Variants in DRC11 observed in about 807,000 individuals in gnomAD.
DRC11 encodes the protein dynein regulatory complex subunit 11, also known as IQ and AAA domain-containing protein 1.
the DRC11 span, chr2:236,486,893 C>T: frequency 1.0e-5 from 16 of 1,605,902 alleles, no homozygotes; most frequent in Admixed American, 3.4e-5. This position sits in a 1 kb window ranked among gnomAD's most constrained non-coding sequence, Gnocchi z 5.7. Flanking sequence ...ATGGAAACGT[C>T]GCCAAACCTA....
the DRC11 span, among the ~76,000 whole-genome samples, chr2:236,357,587 A>C: frequency 1.6e-5 from 2 of 126,720 alleles, no homozygotes; most frequent in African/African-American, 3.2e-5. Flanking sequence ...TATATTATAA[A>C]TATGCATTTA....
the DRC11 span, chr2:236,497,382 A>G: frequency 6.2e-7 from 1 of 1,613,908 alleles, no homozygotes; most frequent in South Asian, 1.1e-5. This position sits in a 1 kb window ranked among gnomAD's most constrained non-coding sequence, Gnocchi z 5.1. Context: ...CTAATGTTTG[A>G]AAGATGAAAA....
At chr2:236,407,912 C>T in the DRC11 span, 3 of 464,902 alleles carry the variant, frequency 6.5e-6, no homozygotes, top group African/African-American at 4.0e-5. Context: ...TCCATGAATA[C>T]TTTCTTCTCT....
chr2:236,489,919 T>A, the DRC11 span, among the ~76,000 whole-genome samples: 4 of 152,110 alleles, frequency 2.6e-5, no homozygotes, highest in African/African-American at 7.2e-5. Flanking sequence ...AGTGAGATTC[T>A]GTCTCTAAAA....
At chr2:236,344,008 T>C in the DRC11 span, among the ~76,000 whole-genome samples, 1 of 152,100 alleles carries the variant, frequency 6.6e-6, no homozygotes, top group East Asian at 1.9e-4. Flanking sequence ...AATAACAATC[T>C]CGTGTATCTG....
the DRC11 span, chr2:236,369,083 A>G: frequency 6.6e-6 from 1 of 152,226 alleles, no homozygotes; most frequent in Non-Finnish European, 1.5e-5. The surrounding 1 kb of genome is among the most constrained non-coding windows in gnomAD (Gnocchi z 4.5). Flanking sequence ...AATCTGGAGT[A>G]AAAATATTCA....
chr2:236,493,333 C>T, the DRC11 span, among the ~76,000 whole-genome samples: 2 of 152,164 alleles, frequency 1.3e-5, no homozygotes, highest in Non-Finnish European at 2.9e-5. Context: ...GGGACATAGT[C>T]AAACCATATC....
At chr2:236,308,537 CG>C in the DRC11 span, among the ~76,000 whole-genome samples, 1 of 152,210 alleles carries the variant, frequency 6.6e-6, no homozygotes, top group East Asian at 1.9e-4. This position sits in a 1 kb window ranked among gnomAD's most constrained non-coding sequence, Gnocchi z 6.0. Flanking sequence ...CTCACGCTAG[CG>C]CTGCTGTGTG....
At chr2:236,317,902 G>T in the DRC11 span, among the ~76,000 whole-genome samples, 1 of 152,166 alleles carries the variant, frequency 6.6e-6, no homozygotes, top group African/African-American at 2.4e-5. This position sits in a 1 kb window ranked among gnomAD's most constrained non-coding sequence, Gnocchi z 5.4. Context: ...GTCTTTTATT[G>T]ATGAAGAAAT....
chr2:236,358,306 T>G, the DRC11 span, among the ~76,000 whole-genome samples: 1 of 132,036 alleles, frequency 7.6e-6, no homozygotes, highest in East Asian at 2.1e-4. Flanking sequence ...ATATATAATA[T>G]ATAGATATAT....
the DRC11 span, among the ~76,000 whole-genome samples, chr2:236,405,534 C>G: frequency 2.6e-5 from 4 of 152,024 alleles, no homozygotes; most frequent in African/African-American, 7.2e-5. The surrounding 1 kb of genome is among the most constrained non-coding windows in gnomAD (Gnocchi z 4.6). Context: ...GATGCTCAAC[C>G]GCACAGAAAG....
the DRC11 span, among the ~76,000 whole-genome samples, chr2:236,437,561 G>A: frequency 1.3e-5 from 2 of 150,672 alleles, no homozygotes; most frequent in East Asian, 4.0e-4. Context: ...CCCACCAACA[G>A]TGTAAAAGTG....
At chr2:236,358,536 C>G in the DRC11 span, among the ~76,000 whole-genome samples, 1 of 144,900 alleles carries the variant, frequency 6.9e-6, no homozygotes, top group Non-Finnish European at 1.5e-5. Flanking sequence ...TAAGGCAGGG[C>G]TGTTGCCTAC....
At chr2:236,499,858 A>G in the DRC11 span, among the ~76,000 whole-genome samples, 1 of 152,096 alleles carries the variant, frequency 6.6e-6, no homozygotes, top group Non-Finnish European at 1.5e-5. This position sits in a 1 kb window ranked among gnomAD's most constrained non-coding sequence, Gnocchi z 4.7. Flanking sequence ...ATGGTTAACC[A>G]CCCTGTTTGA....
the DRC11 span, among the ~76,000 whole-genome samples, chr2:236,426,586 C>A: frequency 6.6e-6 from 1 of 152,014 alleles, no homozygotes; most frequent in Non-Finnish European, 1.5e-5. This position sits in a 1 kb window ranked among gnomAD's most constrained non-coding sequence, Gnocchi z 4.1. Context: ...TTTAAAAATT[C>A]AATACAGACA....
the DRC11 span, among the ~76,000 whole-genome samples, chr2:236,437,438 G>A: frequency 3.4e-3 from 516 of 150,598 alleles, 2 homozygotes; most frequent in African/African-American, 0.012. Context: ...ATGATTTATA[G>A]TCCTTTGGGT....
the DRC11 span, among the ~76,000 whole-genome samples, chr2:236,424,757 T>C: frequency 6.6e-6 from 1 of 151,950 alleles, no homozygotes; most frequent in East Asian, 1.9e-4. Context: ...CTCCAGAACT[T>C]TTTCCTCCTG....
the DRC11 span, chr2:236,412,875 G>A: frequency 6.6e-6 from 1 of 152,370 alleles, no homozygotes; most frequent in South Asian, 2.1e-4. Context: ...AGCTGCTGTA[G>A]GGGAATAGGC....
the DRC11 span, among the ~76,000 whole-genome samples, chr2:236,372,889 C>T: frequency 1.9e-4 from 29 of 152,118 alleles, no homozygotes; most frequent in East Asian, 1.9e-4. This position sits in a 1 kb window ranked among gnomAD's most constrained non-coding sequence, Gnocchi z 4.5. Context: ...TGAGATTACA[C>T]GTGTGAGCCA....
Sources: allele counts gnomAD v4.1 joint callset (sites outside exome capture counted in the v4.1 genomes callset), GRCh38; gene constraint gnomAD v4.1.1; non-coding constraint Gnocchi (gnomAD v3.1); transcripts MANE v1.5; gene names NCBI Gene and HGNC (gene_info 2026-07-23, HGNC 2026-07-21).